Variants in MAD2L1BP observed in about 807,000 individuals in gnomAD.
MAD2L1BP encodes the protein MAD2L1 binding protein, also known as MAD2L1-binding protein.
MAD2L1BP carries 22 observed loss-of-function variants against 28.4 expected under a neutral mutation model. The ratio of observed to expected loss-of-function variants is 0.77; its 90% CI spans 0.55 to 1.10. The LOEUF (loss-of-function observed/expected upper bound fraction) is 1.10. Ranked by LOEUF, MAD2L1BP falls within the 50% of genes least tolerant of loss-of-function variation. The pLI, the probability that MAD2L1BP is intolerant of heterozygous loss-of-function variation, is 0.00. For synonymous variants in MAD2L1BP, 146 were observed against 133.7 expected (o/e 1.09, Z -0.63); for missense variants, 325 against 350.5 (o/e 0.93, Z 0.58).
rs778514929 is a variant in MAD2L1BP, at chr6:43,629,631, G to A, written c.-119G>A. The A allele has an allele frequency of 8.7e-4, 947 of 1,086,906 alleles. 1 individual carries two copies. Among genetic ancestry groups the A allele is most frequent in the Non-Finnish European group, 1.2e-3 (863 of 727,688 alleles). The allele number at this position is 1,086,906 out of a possible 1,614,324, so 67.3% of individuals were successfully genotyped here. ...CAGAATCGAGCTTTGTGGGCGCTCC[G>A]GGATTTGGCCCTTTAGCGCGGATCC... On this transcript the variant is annotated 5_prime_UTR_variant, in exon 1 of 4. Coordinates refer to the MAD2L1BP transcript ENST00000451025.
At chr6:43,632,715 G>A (rs560431695), upstream of MAD2L1BP, among the ~76,000 whole-genome samples, 1 of 137,538 alleles carries the variant, frequency 7.3e-6, no homozygotes, top group South Asian at 2.3e-4. Flanking sequence ...ATGTTGCCCA[G>A]ACTGGTCTTA....
At chr6:43,634,974 C>T (rs1016724098), upstream of MAD2L1BP, among the ~76,000 whole-genome samples, 3 of 152,166 alleles carry the variant, frequency 2.0e-5, no homozygotes, top group South Asian at 2.1e-4. Context: ...ACTGTGACTA[C>T]GCTAGGTTAG....
chr6:43,635,898 T>A lies in MAD2L1BP; in HGVS notation c.23T>A (p.Val8Asp). 6.7e-7 allele frequency: 1 copy of A among 1,486,396 alleles called. No homozygotes were observed. The allele number at this position is 1,486,396 out of a possible 1,614,324, so 92.1% of individuals were successfully genotyped here. Residue 8 changes from valine to aspartate, a missense_variant, in exon 1 of 3, where the codon GTT becomes GAT. Val to Asp is a radical substitution (Grantham distance 152, BLOSUM62 -3). Transcript: ENST00000372171. ...GTGATGGCGGCGCCGGAGGCGGAGG[T>A]TCTGTCCTCAGCCGCAGTCCCTGGT... Reference protein sequence around the residue: MAAPEAEVLSSAAVPDLE... With the variant: MAAPEAEDLSSAAVPDLE...
At chr6:43,634,570 C>CT (rs1000518457), upstream of MAD2L1BP, among the ~76,000 whole-genome samples, 6 of 150,314 alleles carry the variant, frequency 4.0e-5, no homozygotes, top group Admixed American at 1.3e-4. Context: ...TTCTTTTTTT[C>CT]TTTTTTTTGA....
intron 2 of MAD2L1BP, 24 bp from the exon 3 acceptor site, chr6:43,639,997 T>C (rs774111444): frequency 1.3e-6 from 2 of 1,511,320 alleles, no homozygotes. Flanking sequence ...TGTTCTTCTC[T>C]CCCACCATTC....
In MAD2L1BP at chr6:43,636,939, G is replaced by A. The variant is rs540533267; in HGVS notation, c.312+293G>A. ...GTTGCCCAGGCTAGAGTGCAGTGGC[G>A]AGATCTCAGCTCACTGCAACCTCCG... On this transcript the variant is annotated intron_variant, in intron 2 of 2. Coordinates refer to ENST00000372171, the MANE Select transcript of MAD2L1BP (RefSeq NM_014628.3). 12 of 308,072 alleles carry A rather than the reference G, an allele frequency of 3.9e-5. No homozygotes were observed. The Admixed American group carries it at 4.7e-4, about 12-fold the overall frequency. 19.1% of individuals were successfully genotyped at this position (308,072 alleles called of 1,614,324 possible).
At chr6:43,634,975 G>C (rs962677068), upstream of MAD2L1BP, among the ~76,000 whole-genome samples, 2 of 152,064 alleles carry the variant, frequency 1.3e-5, no homozygotes, top group Non-Finnish European at 2.9e-5. Flanking sequence ...CTGTGACTAC[G>C]CTAGGTTAGG....
At chr6:43,631,705 T>A (rs1306720384), upstream of MAD2L1BP, among the ~76,000 whole-genome samples, 17 of 151,492 alleles carry the variant, frequency 1.1e-4, no homozygotes, top group East Asian at 3.1e-3. Context: ...CCTAGGCTGG[T>A]GTTGAACTGG....
intron 1 of MAD2L1BP, among the ~76,000 whole-genome samples, chr6:43,630,497 T>C (rs542163509): frequency 6.6e-6 from 1 of 152,202 alleles, no homozygotes; most frequent in Non-Finnish European, 1.5e-5. Flanking sequence ...TCACAGCACT[T>C]TGGGAGGCCA....
intron 2 of MAD2L1BP, among the ~76,000 whole-genome samples, chr6:43,637,990 T>G (rs1276813586): frequency 6.6e-6 from 1 of 151,796 alleles, no homozygotes; most frequent in Non-Finnish European, 1.5e-5. Context: ...AACCTCCACT[T>G]TGGGTTCAAG....
upstream of MAD2L1BP, among the ~76,000 whole-genome samples, chr6:43,634,949 A>G (rs951068398): frequency 6.6e-6 from 1 of 152,078 alleles, no homozygotes; most frequent in African/African-American, 2.4e-5. Context: ...GAGTTTACCC[A>G]ATTATCTCCA....
intron 1 of MAD2L1BP, among the ~76,000 whole-genome samples, chr6:43,630,674 C>T (rs1769854596): frequency 6.7e-6 from 1 of 149,876 alleles, no homozygotes; most frequent in African/African-American, 2.5e-5. Flanking sequence ...ACCCGGGAGG[C>T]GGAGGTTGCA....
chr6:43,633,098 T>G (rs1770018748), upstream of MAD2L1BP: 1 of 383,834 alleles, frequency 2.6e-6, no homozygotes, highest in African/African-American at 2.2e-5. Context: ...TTCTCCCACC[T>G]CGGCCTCCCA....
rs1770487183 is a variant in MAD2L1BP, at chr6:43,640,183, C to T, written c.475C>T (p.Leu159=). Residue 159 remains leucine (L), a synonymous_variant, in exon 3 of 3, where the codon CTA becomes TTA. Coordinates refer to ENST00000372171, the MANE Select transcript of MAD2L1BP (RefSeq NM_014628.3). ...RVLILLGGNA[L]SPKEFYELDL... is the part of the protein sequence containing the mutation. ...GCTGATTCTCCTTGGGGGCAATGCC[C>T]TAAGCCCCAAGGAGTTCTATGAACT... 11 of 1,613,728 alleles carry T rather than the reference C, an allele frequency of 6.8e-6. No individual in the cohort carries two copies. In the East Asian group the frequency reaches 2.0e-4, roughly 29 times the overall value.
chr6:43,637,651 T>G (rs973379954), intron 2 of MAD2L1BP, among the ~76,000 whole-genome samples: 1 of 151,906 alleles, frequency 6.6e-6, no homozygotes, highest in Non-Finnish European at 1.5e-5. Flanking sequence ...CAGGCTGGAG[T>G]GCAGTCGTGC....
upstream of MAD2L1BP, among the ~76,000 whole-genome samples, chr6:43,635,584 T>TGAATAGATGCAAG (rs1770154453): frequency 6.6e-6 from 1 of 152,172 alleles, no homozygotes; most frequent in African/African-American, 2.4e-5. Flanking sequence ...GCACAGTGAG[T>TGAATAGATGCAAG]AGTGAATGCT....
At chr6:43,633,090 C>G (rs1251059493), upstream of MAD2L1BP, 1 of 376,274 alleles carries the variant, frequency 2.7e-6, no homozygotes, top group Admixed American at 3.3e-5. Context: ...TTAAGCAATT[C>G]TCCCACCTCG....
chr6:43,630,500 G>C (rs1006098970), intron 1 of MAD2L1BP, among the ~76,000 whole-genome samples: 27 of 152,104 alleles, frequency 1.8e-4, no homozygotes, highest in African/African-American at 6.5e-4. Context: ...CAGCACTTTG[G>C]GAGGCCAAGG....
At chr6:43,636,961 T>G (rs998943098) in intron 2 of MAD2L1BP, 3 of 218,450 alleles carry the variant, frequency 1.4e-5, no homozygotes, top group Non-Finnish European at 2.7e-5. Flanking sequence ...CACTGCAACC[T>G]CCGCCTCCCA....
Sources: gnomAD v4.1 joint callset for allele counts (sites outside exome capture counted in the v4.1 genomes callset) on GRCh38, gnomAD v4.1.1 for gene constraint, MANE v1.5 for transcripts, NCBI Gene and HGNC (gene_info 2026-07-23, HGNC 2026-07-21) for gene names.